The following RBFOX1 variants were observed in gnomAD, a reference collection of about 807,000 sequenced individuals.
RBFOX1 encodes RNA binding fox-1 homolog 1.
In RBFOX1, 8 loss-of-function variants were observed where a neutral mutation model predicts 57.7. That is an observed-to-expected ratio of 0.14 (90% CI 0.08 to 0.25). The LOEUF is 0.25. RBFOX1 is among the 10% of genes least tolerant of loss of function. RBFOX1 has a pLI of 1.00. For synonymous variants in RBFOX1, 326 were observed against 222.4 expected, an observed-to-expected ratio of 1.47 and a Z score of -4.15; for missense variants, 611 against 548.5, an observed-to-expected ratio of 1.11 and a Z score of -1.14.
rs184326651 is a variant in RBFOX1 at position 6,747,940 on chromosome 16, G to A, written c.-16+93290G>A. ...AACACGCTATCAACTTCAGCATCAT[G>A]AGGATTGGCCTTTGTTTTCTAAATC... is the stretch of plus-strand genomic sequence containing the variant. On this transcript the variant is annotated intron_variant, in intron 3 of 15. Transcript: ENST00000550418. Among the ~76,000 whole-genome samples, 287 of 152,300 alleles carry A rather than the reference G, an allele frequency of 1.9e-3. 4 individuals are homozygous for A. The highest frequency in any genetic ancestry group is 6.8e-3 in the African/African-American group (281 of 41,564).
chr16:7,358,947 A>G (rs1217702796), intron 4 of RBFOX1, among the ~76,000 whole-genome samples: 1 of 152,208 alleles, frequency 6.6e-6, no homozygotes, highest in Non-Finnish European at 1.5e-5. Flanking sequence ...ATAAAGTAAA[A>G]CATTTCTCCT....
chr16:5,275,837 G>T (rs1248111746), intron 1 of RBFOX1, among the ~76,000 whole-genome samples: 6 of 152,124 alleles, frequency 3.9e-5, no homozygotes, highest in Non-Finnish European at 7.4e-5. Flanking sequence ...ATAAAAATAG[G>T]CACATGACCA....
At chr16:6,980,990 C>A (rs1426462301) in intron 3 of RBFOX1, among the ~76,000 whole-genome samples, 1 of 141,058 alleles carries the variant, frequency 7.1e-6, no homozygotes, top group Non-Finnish European at 1.5e-5. Flanking sequence ...TTGCAGTCTG[C>A]CGAGATCACG....
At chr16:7,022,012 T>TCCCCC (rs1568408191) in intron 3 of RBFOX1, among the ~76,000 whole-genome samples, 1 of 7,806 alleles carries the variant, frequency 1.3e-4, no homozygotes, top group South Asian at 9.1e-3. Context: ...CTCCCTCCCC[T>TCCCCC]TCCCTTCCCC....
chr16:5,389,328 C>T (rs1359024139), intron 1 of RBFOX1, among the ~76,000 whole-genome samples: 1 of 152,150 alleles, frequency 6.6e-6, no homozygotes, highest in Non-Finnish European at 1.5e-5. Flanking sequence ...ACAGGCTTTT[C>T]GACCTTGGCT....
intron 1 of RBFOX1, among the ~76,000 whole-genome samples, chr16:5,444,435 A>G (rs617465): frequency 0.72 from 109,582 of 152,142 alleles, 40,200 homozygotes; most frequent in African/African-American, 0.87. Context: ...GTAGACAAAC[A>G]GAGCATGAAG....
chr16:7,368,647 G>T (rs1382068743), intron 4 of RBFOX1, among the ~76,000 whole-genome samples: 1 of 151,950 alleles, frequency 6.6e-6, no homozygotes, highest in Non-Finnish European at 1.5e-5. Context: ...AGGCGTGGTG[G>T]CGGGCACCTG....
intron 2 of RBFOX1, among the ~76,000 whole-genome samples, chr16:6,479,974 C>A (rs1014827074): frequency 6.6e-6 from 1 of 150,482 alleles, no homozygotes; most frequent in Non-Finnish European, 1.5e-5. Flanking sequence ...TTGCTTAAAC[C>A]CAGGGGCAGA....
chr16:6,906,115 A>T (rs902877270), intron 3 of RBFOX1, among the ~76,000 whole-genome samples: 2 of 152,176 alleles, frequency 1.3e-5, no homozygotes, highest in South Asian at 4.1e-4. Flanking sequence ...ATTAAAAAAA[A>T]ATTATAATGC....
intron 3 of RBFOX1, among the ~76,000 whole-genome samples, chr16:6,879,516 G>A (rs554280129): frequency 1.3e-5 from 2 of 152,214 alleles, no homozygotes; most frequent in African/African-American, 4.8e-5. Flanking sequence ...AAACTTACTT[G>A]CTACAAAGTT....
chr16:5,818,447 C>G (rs951378087), intron 3 of RBFOX1, among the ~76,000 whole-genome samples: 5 of 152,142 alleles, frequency 3.3e-5, no homozygotes, highest in African/African-American at 1.2e-4. Flanking sequence ...AGAGCTCTGC[C>G]TTTCTTTACT....
intron 2 of RBFOX1, among the ~76,000 whole-genome samples, chr16:5,536,046 T>G (rs1412534176): frequency 6.6e-6 from 1 of 152,020 alleles, no homozygotes; most frequent in Non-Finnish European, 1.5e-5. Context: ...TCTCTTACTT[T>G]TAGCTTCTTT....
At chr16:7,695,990 T>A (rs1478374846) in intron 14 of RBFOX1, among the ~76,000 whole-genome samples, 1 of 152,194 alleles carries the variant, frequency 6.6e-6, no homozygotes, top group African/African-American at 2.4e-5. Context: ...TGAAAATCAT[T>A]AAGCAGTAGA....
chr16:5,970,617 C>T (rs1387294438), intron 4 of RBFOX1, among the ~76,000 whole-genome samples: 5 of 152,036 alleles, frequency 3.3e-5, no homozygotes, highest in East Asian at 1.9e-4. Context: ...GACTGTGGGC[C>T]GACCAAGTCA....
At chr16:6,583,477 C>G (rs1183965001) in intron 2 of RBFOX1, among the ~76,000 whole-genome samples, 1 of 152,216 alleles carries the variant, frequency 6.6e-6, no homozygotes, top group East Asian at 1.9e-4. Flanking sequence ...ATGAACAGTG[C>G]TTAGTCAATG....
chr16:7,332,936 T>C, intron 4 of RBFOX1: 1 of 1,609,898 alleles, frequency 6.2e-7, no homozygotes, highest in Non-Finnish European at 8.5e-7. Context: ...GTTGGGTCTA[T>C]AGATTTCCCC....
intron 3 of RBFOX1, among the ~76,000 whole-genome samples, chr16:7,004,529 C>A (rs1223137329): frequency 2.6e-5 from 4 of 152,128 alleles, no homozygotes; most frequent in Non-Finnish European, 5.9e-5. Context: ...AAGAGAGAGA[C>A]CATCTCTTTG....
intron 11 of RBFOX1, among the ~76,000 whole-genome samples, chr16:7,638,981 A>G (rs1380668573): frequency 1.3e-5 from 2 of 149,458 alleles, no homozygotes; most frequent in African/African-American, 5.1e-5. Flanking sequence ...TCACATTTTA[A>G]ATGACGTGAA....
intron 1 of RBFOX1, among the ~76,000 whole-genome samples, chr16:6,289,301 G>A (rs1417703856): frequency 2.0e-5 from 3 of 151,970 alleles, no homozygotes; most frequent in African/African-American, 4.8e-5. Flanking sequence ...TGGAAGGGTG[G>A]ATATAGGTGT....
Sources: allele counts gnomAD v4.1 joint callset (sites outside exome capture counted in the v4.1 genomes callset), GRCh38; gene constraint gnomAD v4.1.1; transcripts MANE v1.5; gene names NCBI Gene and HGNC (gene_info 2026-07-23, HGNC 2026-07-21).